The following CEPT1 variants were observed in gnomAD, a reference collection of about 807,000 sequenced individuals.
CEPT1 encodes choline/ethanolaminephosphotransferase 1.
In CEPT1, 7 loss-of-function variants were observed where a neutral mutation model predicts 42.6. That is an observed-to-expected ratio of 0.16 (90% CI 0.09 to 0.31). The LOEUF is 0.31. CEPT1 is among the 10% of genes least tolerant of loss of function. The pLI is 1.00. For synonymous variants in CEPT1, 171 were observed against 171.9 expected (o/e 0.99, Z 0.04); for missense variants, 306 against 502.1 (o/e 0.61, Z 3.73).
At chr1:111,160,967 AAAAG>A in intron 3 of CEPT1, 184 bp from the exon 4 acceptor site, 1 of 627,394 alleles carries the variant, frequency 1.6e-6, no homozygotes, top group Non-Finnish European at 2.7e-6. Context: ...AAAAAAAAAA[AAAAG>A]AGAGATTGAA....
intron 2 of CEPT1, among the ~76,000 whole-genome samples, chr1:111,154,730 C>A (rs1655468051): frequency 6.6e-6 from 1 of 152,072 alleles, no homozygotes; most frequent in African/African-American, 2.4e-5. Flanking sequence ...TTTTTCTGAG[C>A]CTATTGAGAT....
At chr1:111,144,021 G>C (rs990533073) in intron 1 of CEPT1, among the ~76,000 whole-genome samples, 5 of 152,184 alleles carry the variant, frequency 3.3e-5, no homozygotes, top group Non-Finnish European at 7.3e-5. Flanking sequence ...ATGAGCCACT[G>C]TTCCCAACAT....
intron 4 of CEPT1, among the ~76,000 whole-genome samples, chr1:111,173,721 GTCTTT>G (rs1557938526): frequency 6.6e-6 from 1 of 152,026 alleles, no homozygotes; most frequent in Non-Finnish European, 1.5e-5. Context: ...TTTGTAATGT[GTCTTT>G]CCAGAAATTT....
At chr1:111,171,718 T>C (rs1656423752) in intron 4 of CEPT1, among the ~76,000 whole-genome samples, 1 of 152,202 alleles carries the variant, frequency 6.6e-6, no homozygotes, top group Non-Finnish European at 1.5e-5. Context: ...TATATTAAAA[T>C]GAAGTAGAAA....
In CEPT1 at chr1:111,165,044, C is replaced by CTTTTTTTTT. The variant is rs11323094; in HGVS notation, c.629+3763_629+3771dup. 1.2e-4 allele frequency among the ~76,000 whole-genome samples: 10 copies of CTTTTTTTTT among 83,972 alleles called. 1 individual carries two copies. The highest frequency in any genetic ancestry group is 4.0e-4 in the African/African-American group (8 of 20,096). The allele number at this position is 83,972 out of a possible 152,430, so 55.1% of individuals were successfully genotyped here. ...AACTATACTTACATAAAACATCGGTCTTTTTTTTTTTTTTTTTTTTTTTGA... is the reference window on the plus strand; with the variant it reads ...AACTATACTTACATAAAACATCGGTCTTTTTTTTTTTTTTTTTTTTTTTTTTTTTTTTGA... On this transcript the variant is annotated intron_variant, in intron 4 of 8. Coordinates refer to ENST00000357172, the MANE Select transcript of CEPT1 (RefSeq NM_006090.5).
chr1:111,151,470 A>G (rs917928288), intron 2 of CEPT1, among the ~76,000 whole-genome samples: 1 of 152,184 alleles, frequency 6.6e-6, no homozygotes, highest in Admixed American at 6.5e-5. Flanking sequence ...AATCAAGTAC[A>G]TTTAAGAAAT....
intron 7 of CEPT1, among the ~76,000 whole-genome samples, chr1:111,183,247 C>T (rs1450955162): frequency 6.6e-6 from 1 of 152,154 alleles, no homozygotes; most frequent in Admixed American, 6.5e-5. Context: ...CAAATTAAGG[C>T]TTCTTGTGAA....
chr1:111,176,931 G>T (rs948372383), intron 5 of CEPT1, among the ~76,000 whole-genome samples: 5 of 152,076 alleles, frequency 3.3e-5, no homozygotes, highest in Non-Finnish European at 7.3e-5. Flanking sequence ...TTTACACGTA[G>T]ATATATTTAG....
intron 2 of CEPT1, among the ~76,000 whole-genome samples, chr1:111,149,569 T>C (rs1406784567): frequency 2.0e-5 from 3 of 152,190 alleles, no homozygotes; most frequent in Non-Finnish European, 4.4e-5. Flanking sequence ...TCCCCTCCTC[T>C]TTTTAACTCT....
At chr1:111,179,422 G>A (rs1217454067) in intron 5 of CEPT1, 1 of 152,086 alleles carries the variant, frequency 6.6e-6, no homozygotes, top group Non-Finnish European at 1.5e-5. Context: ...ATAGCTCTTT[G>A]GCTATTTCTA....
chr1:111,140,101 T>A (rs1257620720), upstream of CEPT1: 1 of 151,874 alleles, frequency 6.6e-6, no homozygotes, highest in Admixed American at 6.6e-5. Flanking sequence ...GAGACAGGGC[T>A]GGGCCACGGG....
intron 4 of CEPT1, among the ~76,000 whole-genome samples, chr1:111,168,978 A>G (rs1028835014): frequency 6.6e-6 from 1 of 152,212 alleles, no homozygotes; most frequent in Non-Finnish European, 1.5e-5. Context: ...TAGTATTTGC[A>G]TAGAACCTAT....
chr1:111,159,524 A>G lies in CEPT1; in HGVS notation c.484A>G (p.Thr162Ala), dbSNP rs745978144. 2 of 1,607,676 alleles carry G rather than the reference A, an allele frequency of 1.2e-6. No homozygotes were observed. Among genetic ancestry groups the G allele is most frequent in the Admixed American group, 1.7e-5 (1 of 57,946 alleles). Residue 162 changes from threonine (T) to alanine (A), a missense_variant, in exon 3 of 9, where the codon ACA becomes GCA. Physicochemically the swap from Thr to Ala is moderately conservative, Grantham distance 58 (BLOSUM62 0). Transcript: ENST00000357172. ...LFDHGCDSLS[T>A]VFVVLGTCIA... The stretch of plus-strand genomic sequence containing the variant: ...TGATCATGGCTGTGATTCACTATCA[A>G]CAGGTATTGTTGATTTTTTTAATGT...
intron 5 of CEPT1, among the ~76,000 whole-genome samples, chr1:111,176,958 T>C (rs1656706220): frequency 6.6e-6 from 1 of 152,166 alleles, no homozygotes; most frequent in Non-Finnish European, 1.5e-5. Flanking sequence ...ATAAGACATA[T>C]CAGTGAAAAG....
At chr1:111,168,085 G>T (rs561192319) in intron 4 of CEPT1, among the ~76,000 whole-genome samples, 95 of 151,826 alleles carry the variant, frequency 6.3e-4, no homozygotes, top group Admixed American at 4.4e-3. Context: ...TGTTGCCTAG[G>T]ATGGTCTTGA....
intron 4 of CEPT1, among the ~76,000 whole-genome samples, chr1:111,169,784 A>G (rs1164493854): frequency 6.6e-6 from 1 of 152,228 alleles, no homozygotes; most frequent in East Asian, 1.9e-4. Flanking sequence ...CATGTAAACT[A>G]TCTATAAGCT....
chr1:111,150,202 T>G (rs145489273), intron 2 of CEPT1, among the ~76,000 whole-genome samples: 5 of 152,354 alleles, frequency 3.3e-5, no homozygotes, highest in African/African-American at 1.2e-4. Context: ...TTGGTTGTTT[T>G]CTATGACAAG....
At chr1:111,168,852 A>G (rs540888401) in intron 4 of CEPT1, among the ~76,000 whole-genome samples, 1 of 152,196 alleles carries the variant, frequency 6.6e-6, no homozygotes, top group South Asian at 2.1e-4. Flanking sequence ...ATCTTTTTTC[A>G]AAATAACCTT....
intron 5 of CEPT1, among the ~76,000 whole-genome samples, chr1:111,176,658 G>T (rs1656690489): frequency 6.6e-6 from 1 of 152,178 alleles, no homozygotes; most frequent in Non-Finnish European, 1.5e-5. Context: ...GCATATACAT[G>T]ATGAGATATC....
Sources: gnomAD v4.1 joint callset for allele counts (sites outside exome capture counted in the v4.1 genomes callset) on GRCh38, gnomAD v4.1.1 for gene constraint, MANE v1.5 for transcripts, NCBI Gene and HGNC (gene_info 2026-07-23, HGNC 2026-07-21) for gene names.